The following SFXN3 variants were observed in gnomAD, a reference collection of about 807,000 sequenced individuals.
The protein encoded by SFXN3 is sideroflexin-3.
A neutral mutation model predicts 40.4 loss-of-function variants in SFXN3; 31 were observed. The ratio of observed to expected loss-of-function variants is 0.77; its 90% CI spans 0.58 to 1.04. The LOEUF is 1.04. Among genes scored for constraint, SFXN3 ranks in the 50% least tolerant of loss-of-function variants. The pLI is 0.00. For missense variants in SFXN3, 366 were observed against 408.2 expected (o/e 0.90, Z 0.89); for synonymous variants, 157 against 160.0 (o/e 0.98, Z 0.14).
At chr10:101,035,841 TA>T in intron 4 of SFXN3, 161 bp from the exon 5 acceptor site, 3 of 1,122,348 alleles carry the variant, frequency 2.7e-6, no homozygotes, top group South Asian at 2.8e-5. Context: ...GGTGTGTTTG[TA>T]TAAATGGGGG....
rs981301455 is a variant in SFXN3, at chr10:101,039,472, G to A, written c.870-17G>A. ...GGATTCAGGGGACGTTAACTGGCCT[G>A]TGCTGTTCTATTGCAGCTCCATACA... On this transcript the variant is annotated splice_polypyrimidine_tract_variant and intron_variant, in intron 11 of 11. Coordinates refer to ENST00000393459, the Ensembl canonical transcript of SFXN3. The surrounding 1 kb of genome is among the most constrained non-coding windows in gnomAD (Gnocchi z 4.6). 5.6e-6 allele frequency: 9 copies of A among 1,612,224 alleles called. No individual in the cohort carries two copies. The highest frequency in any genetic ancestry group is 7.6e-6 in the Non-Finnish European group (9 of 1,178,282).
chr10:101,034,853 C>T (rs140544452), exon 3 of SFXN3: 23 of 1,613,284 alleles, frequency 1.4e-5, no homozygotes, highest in Non-Finnish European at 1.9e-5. Context: ...TGCAGAACTA[C>T]AGGTGACCAC....
intron 9 of SFXN3, 35 bp downstream of exon 9, chr10:101,037,466 C>A (rs200379540): frequency 6.2e-7 from 1 of 1,614,110 alleles, no homozygotes; most frequent in East Asian, 2.2e-5. Flanking sequence ...CTGGAATGGG[C>A]GATGGCTGGG....
chr10:101,036,934 G>T lies in SFXN3; in HGVS notation c.593+126G>T, dbSNP rs1938638213. 6.6e-7 allele frequency: 1 copy of T among 1,520,910 alleles called. No homozygotes were observed. The highest frequency in any genetic ancestry group is 1.4e-5 in the African/African-American group (1 of 72,964). 94.2% of individuals were successfully genotyped at this position (1,520,910 alleles called of 1,614,324 possible). A position where few individuals can be genotyped will look rare whatever the true frequency, so the allele number is the denominator to read the frequency against. Reference sequence around the variant, plus strand: ...ACATGAGCTGCTGGGCCCTGGCTCAGTCTGACCCTGGGATCCTCAGGTGGG... The same window carrying T: ...ACATGAGCTGCTGGGCCCTGGCTCATTCTGACCCTGGGATCCTCAGGTGGG... On this transcript the variant is annotated intron_variant, in intron 7 of 11. Transcript: ENST00000393459. This position sits in a 1 kb window ranked among gnomAD's most constrained non-coding sequence, Gnocchi z 4.2.
intron 2 of SFXN3, among the ~76,000 whole-genome samples, chr10:101,032,753 G>GACAT (rs1256935085): frequency 6.6e-6 from 1 of 152,216 alleles, no homozygotes; most frequent in African/African-American, 2.4e-5. Flanking sequence ...CTGTATGTCT[G>GACAT]GGCAGGGTGT....
chr10:101,039,635 G>A lies in SFXN3; in HGVS notation c.*50G>A. ...CTCACTTCCTTGGGCTGCTGCTTTA[G>A]TGGAGTCATGTCACCCCTACCACTT... On this transcript the variant is annotated 3_prime_UTR_variant, in exon 12 of 12. Transcript: ENST00000393459. This position sits in a 1 kb window ranked among gnomAD's most constrained non-coding sequence, Gnocchi z 4.6. The A allele has an allele frequency of 6.5e-7, 1 of 1,548,682 alleles. No individual in the cohort carries two copies. Among genetic ancestry groups the A allele is most frequent in the Non-Finnish European group, 8.9e-7 (1 of 1,120,732 alleles).
rs760850913 is a variant in SFXN3 at position 101,032,118 on chromosome 10, T to TG, written c.-172-191dup. The TG allele has an allele frequency of 8.3e-4, 226 of 271,770 alleles. 1 individual carries two copies. Among genetic ancestry groups the TG allele is most frequent in the Non-Finnish European group, 1.5e-3 (210 of 144,556 alleles). The allele number at this position is 271,770 out of a possible 1,614,324, so 16.8% of individuals were successfully genotyped here. A position where few individuals can be genotyped will look rare whatever the true frequency, so the allele number is the denominator to read the frequency against. ...GCACCTAGACCGCTTGCTGCAGGGC[T>TG]GGGGGTCTGCTGAGGCCCGCCAGGG... On this transcript the variant is annotated intron_variant, in intron 1 of 11. Coordinates refer to ENST00000393459, the Ensembl canonical transcript of SFXN3.
At chr10:101,033,830 A>G (rs1564648748) in intron 2 of SFXN3, among the ~76,000 whole-genome samples, 3 of 152,182 alleles carry the variant, frequency 2.0e-5, no homozygotes, top group Non-Finnish European at 4.4e-5. Context: ...AATTAGGTTC[A>G]AGGGAAGGTA....
rs757089986 is a variant in SFXN3, at chr10:101,036,134, T to C, written c.431+33T>C. On this transcript the variant is annotated intron_variant, in intron 5 of 11. Transcript: ENST00000393459. The surrounding 1 kb of genome is among the most constrained non-coding windows in gnomAD (Gnocchi z 4.2). Reference sequence around the variant, plus strand: ...CCAGCCCCCAGCAGCAGCTGCACTGTCCCATCTGACCCTCTCCTCCCAGCC... The same window carrying C: ...CCAGCCCCCAGCAGCAGCTGCACTGCCCCATCTGACCCTCTCCTCCCAGCC... 13 of 1,552,900 alleles carry C rather than the reference T, an allele frequency of 8.4e-6. No individual in the cohort carries two copies. Among genetic ancestry groups the C allele is most frequent in the Non-Finnish European group, 1.2e-5 (13 of 1,125,648 alleles).
At position 101,039,780 on chromosome 10, in the gene SFXN3, A is replaced by C; in HGVS notation, c.*195A>C. On this transcript the variant is annotated 3_prime_UTR_variant, in exon 12 of 12. Transcript: ENST00000393459. The surrounding 1 kb of genome is among the most constrained non-coding windows in gnomAD (Gnocchi z 4.6). The stretch of plus-strand genomic sequence containing the variant: ...TTTCCTCCCTTCTCTGGTTTCAAAG[A>C]TCAGAGCACATAACCCCTCCTGTGC... 1.7e-6 allele frequency: 1 copy of C among 603,948 alleles called. No homozygotes were observed. The highest frequency in any genetic ancestry group is 1.9e-5 in the South Asian group (1 of 51,334). 37.4% of individuals were successfully genotyped at this position (603,948 alleles called of 1,614,324 possible).
intron 2 of SFXN3, among the ~76,000 whole-genome samples, chr10:101,033,467 A>C (rs1312583469): frequency 6.6e-6 from 1 of 152,140 alleles, no homozygotes; most frequent in African/African-American, 2.4e-5. Flanking sequence ...CAGTGGCTGC[A>C]GGTCCCTGGG....
At chr10:101,037,941 A>G in intron 9 of SFXN3, 10 of 761,456 alleles carry the variant, frequency 1.3e-5, no homozygotes, top group Non-Finnish European at 1.6e-5. Context: ...TGTCCTCATG[A>G]AGTTTATAGT....
rs1257086384 is a variant in SFXN3, at chr10:101,039,157, A to G, written c.822-18A>G. ...AGGCCAAAGCTTTACAAACCTTTCC[A>G]ACACTTGTCTCCCCCAGCCTGGTAT... On this transcript the variant is annotated intron_variant, in intron 10 of 11. Coordinates refer to ENST00000393459, the Ensembl canonical transcript of SFXN3. The surrounding 1 kb of genome is among the most constrained non-coding windows in gnomAD (Gnocchi z 4.6). 1.9e-6 allele frequency: 3 copies of G among 1,607,492 alleles called. No homozygotes were observed. In the South Asian group the frequency reaches 3.3e-5, roughly 18 times the overall value.
At position 101,037,374 on chromosome 10, in the gene SFXN3, C is replaced by A. The variant is rs755671791; in HGVS notation, c.722-8C>A. The A allele has an allele frequency of 1.2e-6, 2 of 1,614,170 alleles. No homozygotes were observed. The highest frequency in any genetic ancestry group is 3.3e-5 in the Admixed American group (2 of 60,024). On this transcript the variant is annotated splice_region_variant and splice_polypyrimidine_tract_variant and intron_variant, in intron 8 of 11. Transcript: ENST00000393459. ...ATGTTCTCCTTCTTGGCCCTGCTCT[C>A]CCCACAGCCATCCCACCACTGATCA...
At chr10:101,031,270 G>A (rs1938168145) in exon 1 of SFXN3, 1 of 152,392 alleles carries the variant, frequency 6.6e-6, no homozygotes, top group African/African-American at 2.4e-5. Flanking sequence ...GGACAGCCGA[G>A]CGTTACCTGG....
chr10:101,036,964 C>A lies in SFXN3; in HGVS notation c.594-112C>A. The stretch of plus-strand genomic sequence containing the variant: ...ACCCTGGGATCCTCAGGTGGGAGAA[C>A]CAGCCTTTGAGCCTGGGGTGTGTGA... On this transcript the variant is annotated intron_variant, in intron 7 of 11. Transcript: ENST00000393459. This position sits in a 1 kb window ranked among gnomAD's most constrained non-coding sequence, Gnocchi z 4.2. 1 of 1,531,572 alleles carries A rather than the reference C, an allele frequency of 6.5e-7. No homozygotes were observed. The highest frequency in any genetic ancestry group is 2.0e-5 in the Admixed American group (1 of 49,612). The allele number at this position is 1,531,572 out of a possible 1,614,324, so 94.9% of individuals were successfully genotyped here.
At position 101,036,736 on chromosome 10, in the gene SFXN3, T is replaced by C; in HGVS notation, c.521T>C (p.Leu174Ser). 6.2e-7 allele frequency: 1 copy of C among 1,611,434 alleles called. No individual in the cohort carries two copies. The highest frequency in any genetic ancestry group is 8.5e-7 in the Non-Finnish European group (1 of 1,177,772). The change falls in exon 7 of 12, where the codon TTG becomes TCG. Residue 174 changes from leucine (L) to serine (S), a missense_variant. By Grantham distance (145) the Leu-to-Ser change is moderately radical. Transcript: ENST00000393459. The surrounding 1 kb of genome is among the most constrained non-coding windows in gnomAD (Gnocchi z 4.2). ...CTTCCTCCCCAGCACCTGCCCCCCT[T>C]GGTCGGCAGATTTGTGCCCTTTGCA...
rs115940736 is a variant in SFXN3 at position 101,036,186 on chromosome 10, T to C, written c.431+85T>C. 1,405 of 1,165,026 alleles carry C rather than the reference T, an allele frequency of 1.2e-3. 12 individuals are homozygous for C. The African/African-American group carries it at 0.018, about 15-fold the overall frequency. The allele number at this position is 1,165,026 out of a possible 1,614,324, so 72.2% of individuals were successfully genotyped here. A position where few individuals can be genotyped will look rare whatever the true frequency, so the allele number is the denominator to read the frequency against. On this transcript the variant is annotated intron_variant, in intron 5 of 11. Coordinates refer to ENST00000393459, the Ensembl canonical transcript of SFXN3. This position sits in a 1 kb window ranked among gnomAD's most constrained non-coding sequence, Gnocchi z 4.2. Reference sequence around the variant, plus strand: ...GCAGTGCCCTCTCCTTTCTCTCCGGTTCCCTGTGGACCATGCAGCCAGTGC... The same window carrying C: ...GCAGTGCCCTCTCCTTTCTCTCCGGCTCCCTGTGGACCATGCAGCCAGTGC...
At chr10:101,035,834 G>A (rs1590087655) in intron 4 of SFXN3, 167 bp downstream of exon 4, 2 of 1,140,588 alleles carry the variant, frequency 1.8e-6, no homozygotes, top group Non-Finnish European at 2.5e-6. Context: ...GACAGTAGGT[G>A]TGTTTGTATA....
Sources: allele counts gnomAD v4.1 joint callset (sites outside exome capture counted in the v4.1 genomes callset), GRCh38; gene constraint gnomAD v4.1.1; non-coding constraint Gnocchi (gnomAD v3.1); transcripts MANE v1.5; gene names NCBI Gene and HGNC (gene_info 2026-07-23, HGNC 2026-07-21).